Variants in SLC26A11 observed in about 807,000 individuals in gnomAD.
SLC26A11 encodes the protein solute carrier family 26 member 11.
A neutral mutation model predicts 62.2 loss-of-function variants in SLC26A11; 58 were observed. The ratio of observed to expected loss-of-function variants is 0.93; its 90% CI spans 0.76 to 1.16. The LOEUF is 1.16. Among genes scored for constraint, SLC26A11 ranks in the 50% most tolerant of loss-of-function variants. The pLI is 0.00. For synonymous variants in SLC26A11, 411 were observed against 368.9 expected, an observed-to-expected ratio of 1.11 and a Z score of -1.31; for missense variants, 790 against 794.3, an observed-to-expected ratio of 0.99 and a Z score of 0.06.
intron 10 of SLC26A11, among the ~76,000 whole-genome samples, chr17:80,243,819 G>C (rs920672253): frequency 6.6e-6 from 1 of 152,232 alleles, no homozygotes; most frequent in Non-Finnish European, 1.5e-5. Context: ...CTTGATCTCA[G>C]ATAGGCCAGG....
Position 80,247,840 on chromosome 17 carries a change from C to G in SLC26A11, c.1295-290C>G, listed in dbSNP as rs1168851300. On this transcript the variant is annotated intron_variant, in intron 13 of 17. Transcript: ENST00000361193. ...GTGGTCCCTGCCCCACTCCTCAGGCCAGCTCTGTGCCCTGACAAGCCCCTG... is the reference window on the plus strand; with the variant it reads ...GTGGTCCCTGCCCCACTCCTCAGGCGAGCTCTGTGCCCTGACAAGCCCCTG... Among the ~76,000 whole-genome samples, 17 of 152,208 alleles carry G rather than the reference C, an allele frequency of 1.1e-4. 1 individual carries two copies. The highest frequency in any genetic ancestry group is 1.1e-3 in the Admixed American group (17 of 15,290).
intron 5 of SLC26A11, among the ~76,000 whole-genome samples, chr17:80,224,966 G>A (rs2042366908): frequency 6.6e-6 from 1 of 152,018 alleles, no homozygotes. Flanking sequence ...GCAGTTTTAG[G>A]GCAGGGTCCT....
At position 80,246,707 on chromosome 17, in the gene SLC26A11, G is replaced by A. The variant is rs750659187; in HGVS notation, c.1294+58G>A. On this transcript the variant is annotated intron_variant, in intron 13 of 17. Transcript: ENST00000361193. This position sits in a 1 kb window ranked among gnomAD's most constrained non-coding sequence, Gnocchi z 4.4. Reference sequence around the variant, plus strand: ...GATGCGGTGTCTGAACGCGGAGGGTGTCATTTATGCTACCCCATTTTCCTG... The same window carrying A: ...GATGCGGTGTCTGAACGCGGAGGGTATCATTTATGCTACCCCATTTTCCTG... 20 of 1,566,730 alleles carry A rather than the reference G, an allele frequency of 1.3e-5. No individual in the cohort carries two copies. The highest frequency in any genetic ancestry group is 1.6e-5 in the Non-Finnish European group (19 of 1,155,404).
In SLC26A11 at chr17:80,252,728, G is replaced by A. The variant is rs375133239; in HGVS notation, c.*12G>A. 63 of 1,610,148 alleles carry A rather than the reference G, an allele frequency of 3.9e-5. No homozygotes were observed. Among genetic ancestry groups the A allele is most frequent in the South Asian group, 2.4e-4 (22 of 90,924 alleles). On this transcript the variant is annotated 3_prime_UTR_variant, in exon 18 of 18. Transcript: ENST00000361193. The surrounding 1 kb of genome is among the most constrained non-coding windows in gnomAD (Gnocchi z 5.2). ...TGCTCAAGGCATAATGGGGCCACCC[G>A]TGGGCATCCACAGTTTGCAGGGTGT...
In SLC26A11 at chr17:80,222,937, G is replaced by T; in HGVS notation, c.427+90G>T. 1 of 1,234,182 alleles carries T rather than the reference G, an allele frequency of 8.1e-7. No individual in the cohort carries two copies. The highest frequency in any genetic ancestry group is 1.1e-6 in the Non-Finnish European group (1 of 913,144). The allele number at this position is 1,234,182 out of a possible 1,614,324, so 76.5% of individuals were successfully genotyped here. ...AGTCTATCCCCGTGTGCGTGTGTGT[G>T]CGTGTTGGGGTGTGGGTATGTATGT... On this transcript the variant is annotated intron_variant, in intron 4 of 17. Coordinates refer to ENST00000361193, the MANE Select transcript of SLC26A11 (RefSeq NM_001166347.2). The surrounding 1 kb of genome is among the most constrained non-coding windows in gnomAD (Gnocchi z 4.7).
rs56289503 is a variant in SLC26A11 at position 80,233,584 on chromosome 17, A to ATTTTTTTTTTTTTTTT, written c.737-3331_737-3330insTTTTTTTTTTTTTTTT. 1.4e-5 allele frequency among the ~76,000 whole-genome samples: 2 copies of ATTTTTTTTTTTTTTTT among 142,406 alleles called. 1 individual carries two copies. The highest frequency in any genetic ancestry group is 3.0e-5 in the Non-Finnish European group (2 of 66,048). The allele number at this position is 142,406 out of a possible 152,430, so 93.4% of individuals were successfully genotyped here. ...CCTGTTGGTGATTAACTCTTTCAGC[A>ATTTTTTTTTTTTTTTT]TTTTTTTTTTTTTATTTGACAGGAT... is the stretch of plus-strand genomic sequence containing the variant. On this transcript the variant is annotated intron_variant, in intron 7 of 17. Transcript: ENST00000361193.
At position 80,230,758 on chromosome 17, in the gene SLC26A11, G is replaced by A. The variant is rs531247421; in HGVS notation, c.736+2798G>A. Among the ~76,000 whole-genome samples the A allele has an allele frequency of 7.2e-5, 11 of 152,206 alleles. No individual in the cohort carries two copies. The South Asian group carries it at 2.3e-3, about 32-fold the overall frequency. ...AACTTCAGAAACATTTACAGTGTAG[G>A]GCTGCTGACTCCTTTCTCCCCAGTG... is the stretch of plus-strand genomic sequence containing the variant. On this transcript the variant is annotated intron_variant, in intron 7 of 17. Transcript: ENST00000361193.
rs369391664 is a variant in SLC26A11 at position 80,226,160 on chromosome 17, G to T, written c.593+244G>T. Reference sequence around the variant, plus strand: ...CTGCGCGCAGGGGAGAGTTCAAGAAGCTCTGCTCTGGGGAGCTGGAGCAGG... The same window carrying T: ...CTGCGCGCAGGGGAGAGTTCAAGAATCTCTGCTCTGGGGAGCTGGAGCAGG... On this transcript the variant is annotated intron_variant, in intron 6 of 17. Transcript: ENST00000361193. Among the ~76,000 whole-genome samples the T allele has an allele frequency of 7.2e-5, 11 of 152,100 alleles. No homozygotes were observed. The East Asian group carries it at 1.3e-3, about 19-fold the overall frequency.
intron 10 of SLC26A11, among the ~76,000 whole-genome samples, chr17:80,243,987 G>C (rs1314500284): frequency 6.6e-6 from 1 of 152,202 alleles, no homozygotes; most frequent in African/African-American, 2.4e-5. Flanking sequence ...TGGTCACCTT[G>C]GGCCTCTACC....
At chr17:80,232,457 G>T (rs538964227) in intron 7 of SLC26A11, among the ~76,000 whole-genome samples, 2 of 152,118 alleles carry the variant, frequency 1.3e-5, no homozygotes, top group African/African-American at 2.4e-5. Context: ...GTTTCACCAT[G>T]TTGGCCAGCC....
rs539267883 is a variant in SLC26A11 at position 80,225,924 on chromosome 17, G to A, written c.593+8G>A. 3.3e-5 allele frequency: 54 copies of A among 1,613,500 alleles called. No individual in the cohort carries two copies. Among genetic ancestry groups the A allele is most frequent in the South Asian group, 3.1e-4 (28 of 91,066 alleles). On this transcript the variant is annotated splice_region_variant and intron_variant, in intron 6 of 17. Transcript: ENST00000361193. ...CAGGATTGCAGAGACCAGGTACCCC[G>A]GGCTTTGTTCCTCCCTCCTATAAGG...
intron 7 of SLC26A11, among the ~76,000 whole-genome samples, chr17:80,235,733 G>C (rs976351298): frequency 2.0e-5 from 3 of 152,198 alleles, no homozygotes; most frequent in African/African-American, 7.2e-5. Context: ...AGGTTATTGC[G>C]TGCTGGATAT....
At chr17:80,237,915 C>CT (rs1394683652) in intron 9 of SLC26A11, among the ~76,000 whole-genome samples, 1 of 152,228 alleles carries the variant, frequency 6.6e-6, no homozygotes, top group African/African-American at 2.4e-5. Context: ...GGTAACGTCA[C>CT]TGAAAGGGGA....
Position 80,252,868 on chromosome 17 carries a change from G to T in SLC26A11, c.*152G>T. 1.6e-6 allele frequency: 1 copy of T among 638,970 alleles called. No individual in the cohort carries two copies. The allele number at this position is 638,970 out of a possible 1,614,324, so 39.6% of individuals were successfully genotyped here. ...AGGGAAGAGAAGGAAGCCAGGCCTG[G>T]AGGTCCACGGCAGTGGGAGTGGGGC... On this transcript the variant is annotated 3_prime_UTR_variant, in exon 18 of 18. Transcript: ENST00000361193. The surrounding 1 kb of genome is among the most constrained non-coding windows in gnomAD (Gnocchi z 5.2).
At chr17:80,224,390 AGTGT>A in intron 5 of SLC26A11, among the ~76,000 whole-genome samples, 1 of 130,866 alleles carries the variant, frequency 7.6e-6, no homozygotes, top group African/African-American at 2.9e-5. Flanking sequence ...CGCGTGTGTG[AGTGT>A]ATGAGTGTGA....
Position 80,248,592 on chromosome 17 carries a change from T to C in SLC26A11, c.1440T>C (p.Val480=). The stretch of plus-strand genomic sequence containing the variant: ...CCCCACAGGTGTCAGAGGGGCCGGT[T>C]CTGGTCCTGCAGCCGGCCAGCGGCC... The part of the protein sequence containing the change: ...RPETKVSEGP[V]LVLQPASGLS... The change falls in exon 15 of 18, where the codon GTT becomes GTC. Residue 480 remains valine (V), a synonymous_variant. Transcript: ENST00000361193. The C allele has an allele frequency of 6.3e-7, 1 of 1,586,008 alleles. No individual in the cohort carries two copies. Among genetic ancestry groups the C allele is most frequent in the Non-Finnish European group, 8.6e-7 (1 of 1,166,518 alleles).
rs751304381 is a variant in SLC26A11, at chr17:80,227,879, C to T, written c.655C>T (p.Arg219Trp). 28 of 1,602,232 alleles carry T rather than the reference C, an allele frequency of 1.7e-5. No individual in the cohort carries two copies. Among genetic ancestry groups the T allele is most frequent in the South Asian group, 5.5e-5 (5 of 91,082 alleles). The change falls in exon 7 of 18, where the codon CGG becomes TGG. Residue 219 changes from arginine (R) to tryptophan (W), a missense_variant. Arg to Trp is a moderately radical substitution (Grantham distance 101). Coordinates refer to ENST00000361193, the MANE Select transcript of SLC26A11 (RefSeq NM_001166347.2). The part of the protein sequence containing the change: ...MLLLLVLKLM[R>W]DHVPPVHPEM... ...GCTGCTGCTGGTGCTGAAGCTGATG[C>T]GGGACCACGTGCCTCCCGTCCACCC... is the stretch of plus-strand genomic sequence containing the variant.
chr17:80,221,629 C>T lies in SLC26A11; in HGVS notation c.69C>T (p.Cys23=), dbSNP rs200412027. Reference sequence around the variant, plus strand: ...GCCCCGGGATGGCCCCGAGCGCCTGCTGCTGCTCCCCTGCGGCCCTGCAGA... The same window carrying T: ...GCCCCGGGATGGCCCCGAGCGCCTGTTGCTGCTCCCCTGCGGCCCTGCAGA... ...SSGPGMAPSA[C]CCSPAALQRR... is the part of the protein sequence containing the mutation. The change falls in exon 3 of 18, where the codon TGC becomes TGT. Residue 23 remains cysteine, a synonymous_variant. Coordinates refer to ENST00000361193, the MANE Select transcript of SLC26A11 (RefSeq NM_001166347.2). 7 of 1,611,130 alleles carry T rather than the reference C, an allele frequency of 4.3e-6. No individual in the cohort carries two copies. In the East Asian group the frequency reaches 1.3e-4, roughly 31 times the overall value.
chr17:80,231,206 A>G (rs1218494947), intron 7 of SLC26A11, among the ~76,000 whole-genome samples: 2 of 135,286 alleles, frequency 1.5e-5, no homozygotes, highest in African/African-American at 5.6e-5. Flanking sequence ...CTTGTCCCCC[A>G]GGTTGGAGTG....
Sources: allele counts gnomAD v4.1 joint callset (sites outside exome capture counted in the v4.1 genomes callset), GRCh38; gene constraint gnomAD v4.1.1; non-coding constraint Gnocchi (gnomAD v3.1); transcripts MANE v1.5; gene names NCBI Gene and HGNC (gene_info 2026-07-23, HGNC 2026-07-21).